The following TGFBR3 variants were observed in gnomAD, a reference collection of about 807,000 sequenced individuals.
TGFBR3 encodes the protein transforming growth factor beta receptor 3, also known as transforming growth factor beta receptor type 3.
A neutral mutation model predicts 87.9 loss-of-function variants in TGFBR3; 46 were observed. The observed-to-expected ratio is 0.52, with a 90% CI of 0.41 to 0.67. The LOEUF is 0.67. TGFBR3 is among the 30% of genes least tolerant of loss of function. The pLI, the probability that TGFBR3 is intolerant of heterozygous loss-of-function variation, is 0.00. For synonymous variants in TGFBR3, 381 were observed against 391.6 expected (o/e 0.97, Z 0.32); for missense variants, 866 against 1,041.9 (o/e 0.83, Z 2.32).
chr1:91,707,943 T>C (rs1671850222), intron 14 of TGFBR3, among the ~76,000 whole-genome samples: 1 of 152,200 alleles, frequency 6.6e-6, no homozygotes, highest in African/African-American at 2.4e-5. Flanking sequence ...TAACATTTGT[T>C]AGGGCCCAGT....
chr1:91,702,727 T>G (rs1475308903), intron 14 of TGFBR3, among the ~76,000 whole-genome samples: 1 of 151,616 alleles, frequency 6.6e-6, no homozygotes, highest in Non-Finnish European at 1.5e-5. Flanking sequence ...TATTTGAAAT[T>G]TTTCAAAATA....
chr1:91,683,786 T>C lies in TGFBR3; in HGVS notation c.2509A>G (p.Ile837Val). The C allele has an allele frequency of 6.2e-7, 1 of 1,606,730 alleles. No homozygotes were observed. Among genetic ancestry groups the C allele is most frequent in the South Asian group, 1.1e-5 (1 of 89,536 alleles). Residue 837 changes from isoleucine to valine, a missense_variant, in exon 17 of 17, where the codon ATC becomes GTC. Physicochemically the swap from Ile to Val is conservative, Grantham distance 29. Coordinates refer to ENST00000212355, the MANE Select transcript of TGFBR3 (RefSeq NM_003243.5). ...CAAGGCGTGCTCTGCGTGCTGCCGATGCTGTGGGCAGCACTGCTGTTTTCC... is the reference window on the plus strand; with the variant it reads ...CAAGGCGTGCTCTGCGTGCTGCCGACGCTGTGGGCAGCACTGCTGTTTTCC... ...ASENSSAAHS[I>V]GSTQSTPCSS... is the part of the protein sequence containing the mutation.
intron 7 of TGFBR3, among the ~76,000 whole-genome samples, chr1:91,726,056 G>T (rs1170050692): frequency 1.3e-5 from 2 of 152,064 alleles, no homozygotes; most frequent in African/African-American, 4.8e-5. Context: ...TCCAAAATTG[G>T]CCTGGAACAA....
intron 4 of TGFBR3, among the ~76,000 whole-genome samples, chr1:91,738,036 T>C (rs1345137185): frequency 6.6e-6 from 1 of 152,180 alleles, no homozygotes; most frequent in Non-Finnish European, 1.5e-5. Flanking sequence ...AAGGCCTGAA[T>C]AGAACAAAAA....
upstream of TGFBR3, chr1:91,886,307 T>A (rs1480495072): frequency 2.6e-6 from 1 of 386,422 alleles, no homozygotes; most frequent in African/African-American, 2.1e-5. Context: ...TCCTCCCGCC[T>A]CCCGCCTCCC....
At chr1:91,864,651 CA>C (rs1328202791) in intron 1 of TGFBR3, among the ~76,000 whole-genome samples, 1 of 152,220 alleles carries the variant, frequency 6.6e-6, no homozygotes, top group African/African-American at 2.4e-5. Flanking sequence ...GTGTCATTCT[CA>C]TTCAGCTGAA....
intron 1 of TGFBR3, among the ~76,000 whole-genome samples, chr1:91,874,574 T>C (rs2101254029): frequency 6.6e-6 from 1 of 151,650 alleles, no homozygotes; most frequent in Non-Finnish European, 1.5e-5. Context: ...CTCAGCTCAC[T>C]GCAACCTCCG....
chr1:91,738,629 T>C (rs1424419843), intron 4 of TGFBR3, among the ~76,000 whole-genome samples: 8 of 152,262 alleles, frequency 5.3e-5, no homozygotes, highest in Non-Finnish European at 8.8e-5. Flanking sequence ...GTTGGTGCTA[T>C]GCTTCCTGTA....
intron 14 of TGFBR3, among the ~76,000 whole-genome samples, chr1:91,698,377 A>C (rs551095504): frequency 1.6e-4 from 24 of 152,318 alleles, no homozygotes; most frequent in Non-Finnish European, 3.1e-4. Flanking sequence ...GCAAACACCT[A>C]AACTTAGGGA....
At chr1:91,801,663 T>C (rs528551866) in intron 2 of TGFBR3, among the ~76,000 whole-genome samples, 1 of 152,174 alleles carries the variant, frequency 6.6e-6, no homozygotes, top group Non-Finnish European at 1.5e-5. Context: ...ATGTTCCCTG[T>C]ACAATGGTTT....
At chr1:91,847,490 C>G (rs1677546025) in intron 2 of TGFBR3, among the ~76,000 whole-genome samples, 1 of 151,368 alleles carries the variant, frequency 6.6e-6, no homozygotes, top group Non-Finnish European at 1.5e-5. Context: ...GTAATCCCAG[C>G]TACTCGGGAG....
intron 16 of TGFBR3, among the ~76,000 whole-genome samples, chr1:91,688,298 ATGCAAAATC>A (rs1460651602): frequency 2.0e-5 from 3 of 152,106 alleles, no homozygotes; most frequent in Non-Finnish European, 4.4e-5. Flanking sequence ...CCTGAATAGG[ATGCAAAATC>A]TGATAATAAC....
chr1:91,833,593 C>T (rs1676944927), intron 2 of TGFBR3, among the ~76,000 whole-genome samples: 1 of 150,544 alleles, frequency 6.6e-6, no homozygotes, highest in African/African-American at 2.4e-5. Flanking sequence ...TATGGTGAAA[C>T]CCCACATCTA....
At chr1:91,744,834 CT>C (rs746969017) in intron 4 of TGFBR3, among the ~76,000 whole-genome samples, 3 of 152,178 alleles carry the variant, frequency 2.0e-5, no homozygotes, top group Non-Finnish European at 4.4e-5. Flanking sequence ...CTCCTCTGCA[CT>C]GATGATAAAA....
rs546166600 is a variant in TGFBR3 at position 91,800,913 on chromosome 1, G to A, written c.62-3442C>T. 28 of 195,128 alleles carry A rather than the reference G, an allele frequency of 1.4e-4. No homozygotes were observed. In the South Asian group the frequency reaches 1.5e-3, roughly 10 times the overall value. 12.1% of individuals were successfully genotyped at this position (195,128 alleles called of 1,614,324 possible). A position where few individuals can be genotyped will look rare whatever the true frequency, so the allele number is the denominator to read the frequency against. ...CAGCCTAGCCAACATGGTAAACCCC[G>A]TGTCTACTAAAAATACAAAAATTAG... On this transcript the variant is annotated intron_variant, in intron 2 of 16. Transcript: ENST00000212355.
At chr1:91,902,271 T>TTTTTTTGTG (rs534984244) in intron 1 of TGFBR3, among the ~76,000 whole-genome samples, 16 of 148,248 alleles carry the variant, frequency 1.1e-4, no homozygotes, top group South Asian at 8.6e-4. Context: ...TCCTTTTCTT[T>TTTTTTTGTG]TGTGTGTGTG....
chr1:91,795,668 C>T (rs1038648328), intron 3 of TGFBR3, among the ~76,000 whole-genome samples: 3 of 152,264 alleles, frequency 2.0e-5, no homozygotes, highest in African/African-American at 7.2e-5. Context: ...GAGTAATTGT[C>T]GCTGCTAAAG....
intron 2 of TGFBR3, among the ~76,000 whole-genome samples, chr1:91,898,573 A>G (rs1461534826): frequency 1.3e-5 from 2 of 151,986 alleles, no homozygotes; most frequent in Non-Finnish European, 2.9e-5. Context: ...AGTAGCTGGG[A>G]CCACAGGCGC....
chr1:91,730,037 G>A (rs1489289643), intron 5 of TGFBR3, 64 bp from the exon 6 acceptor site: 3 of 1,588,676 alleles, frequency 1.9e-6, no homozygotes, highest in Non-Finnish European at 2.6e-6. Flanking sequence ...TTCAAAGGAA[G>A]GAGGGTGACA....
Sources: allele counts gnomAD v4.1 joint callset (sites outside exome capture counted in the v4.1 genomes callset), GRCh38; gene constraint gnomAD v4.1.1; transcripts MANE v1.5; gene names NCBI Gene and HGNC (gene_info 2026-07-23, HGNC 2026-07-21).